The following WWOX variants were observed in gnomAD, a reference collection of about 807,000 sequenced individuals.
The protein encoded by WWOX is WW domain-containing oxidoreductase.
WWOX carries 69 observed loss-of-function variants against 46.2 expected under a neutral mutation model. That is an observed-to-expected ratio of 1.49 (90% CI 1.23 to 1.82). The LOEUF (loss-of-function observed/expected upper bound fraction) is 1.82. Ranked by LOEUF, WWOX falls within the 40% of genes most tolerant of loss-of-function variation. WWOX has a pLI of 0.00. For synonymous variants in WWOX, 359 were observed against 202.6 expected (o/e 1.77, Z -6.56); for missense variants, 919 against 542.6 (o/e 1.69, Z -6.89).
At chr16:79,144,674 T>A (rs2050151929) in intron 8 of WWOX, among the ~76,000 whole-genome samples, 1 of 152,212 alleles carries the variant, frequency 6.6e-6, no homozygotes, top group Non-Finnish European at 1.5e-5. Context: ...TTCATATCTC[T>A]CTTAGATTCT....
chr16:79,137,801 C>T (rs562419582), intron 8 of WWOX, among the ~76,000 whole-genome samples: 2 of 152,204 alleles, frequency 1.3e-5, no homozygotes, highest in Non-Finnish European at 2.9e-5. Context: ...TCCTTAATGA[C>T]TTCCAGGTGT....
intron 5 of WWOX, among the ~76,000 whole-genome samples, chr16:78,242,626 T>G (rs910693772): frequency 5.3e-5 from 8 of 152,188 alleles, no homozygotes; most frequent in Non-Finnish European, 1.0e-4. Context: ...GGTGACCTCC[T>G]GAGTCCCCTG....
intron 8 of WWOX, among the ~76,000 whole-genome samples, chr16:79,008,618 C>G (rs2047238226): frequency 6.6e-6 from 1 of 152,178 alleles, no homozygotes; most frequent in Non-Finnish European, 1.5e-5. Context: ...ATGCACCATG[C>G]CAAAGGCCAT....
chr16:79,134,173 A>T (rs2049937960), intron 8 of WWOX, among the ~76,000 whole-genome samples: 1 of 151,254 alleles, frequency 6.6e-6, no homozygotes, highest in Non-Finnish European at 1.5e-5. Flanking sequence ...TTATCTTATG[A>T]TTTTTTTTTC....
intron 8 of WWOX, among the ~76,000 whole-genome samples, chr16:78,621,464 G>T (rs543365689): frequency 1.3e-5 from 2 of 151,530 alleles, no homozygotes; most frequent in African/African-American, 4.8e-5. Context: ...TCTTCTTCCA[G>T]TTGCATCTCT....
At chr16:79,210,501 C>T (rs1411957497) in intron 8 of WWOX, among the ~76,000 whole-genome samples, 4 of 152,146 alleles carry the variant, frequency 2.6e-5, no homozygotes, top group African/African-American at 7.2e-5. Flanking sequence ...ATCAAAGTTC[C>T]TTAGTGTTTT....
chr16:79,132,373 A>G (rs1473605016), intron 8 of WWOX, among the ~76,000 whole-genome samples: 1 of 152,194 alleles, frequency 6.6e-6, no homozygotes, highest in South Asian at 2.1e-4. Flanking sequence ...TTGCTCAAGA[A>G]TAGTTTTCTC....
intron 8 of WWOX, among the ~76,000 whole-genome samples, chr16:78,683,539 C>CA (rs71384376): frequency 0.3 from 44,346 of 145,548 alleles, 8,219 homozygotes; most frequent in Admixed American, 0.49. Flanking sequence ...GACTCTATCT[C>CA]AAAAAAAAAT....
chr16:79,206,363 C>G (rs1264306994), intron 8 of WWOX: 2 of 152,210 alleles, frequency 1.3e-5, no homozygotes, highest in Non-Finnish European at 2.9e-5. Flanking sequence ...TACCAACGGA[C>G]ACGGAGTCTG....
At chr16:78,242,623 T>G (rs953782827) in intron 5 of WWOX, among the ~76,000 whole-genome samples, 1 of 152,170 alleles carries the variant, frequency 6.6e-6, no homozygotes, top group African/African-American at 2.4e-5. Flanking sequence ...CAGGGTGACC[T>G]CCTGAGTCCC....
intron 8 of WWOX, among the ~76,000 whole-genome samples, chr16:78,600,572 G>C (rs186913636): frequency 6.6e-6 from 1 of 152,104 alleles, no homozygotes; most frequent in South Asian, 2.1e-4. Flanking sequence ...TCATTTTGTG[G>C]GGCTATAGTC....
chr16:78,579,948 G>A (rs2045006897), intron 8 of WWOX, among the ~76,000 whole-genome samples: 1 of 152,180 alleles, frequency 6.6e-6, no homozygotes. Context: ...AAATGCAGGT[G>A]GCTGTGAGGG....
At chr16:78,967,970 G>A (rs2046393630) in intron 8 of WWOX, among the ~76,000 whole-genome samples, 3 of 152,152 alleles carry the variant, frequency 2.0e-5, no homozygotes, top group African/African-American at 4.8e-5. Context: ...TTCTCATTTA[G>A]CCCATACCCC....
At position 79,034,701 on chromosome 16, in the gene WWOX, A is replaced by T. The variant is rs547679505; in HGVS notation, c.1057-176907A>T. On this transcript the variant is annotated intron_variant, in intron 8 of 8. Coordinates refer to ENST00000566780, the MANE Select transcript of WWOX (RefSeq NM_016373.4). ...TTCTTTTTTTTTTTCAAAGCACTTAATTATTTAAAAACAAAAATACTTCTC... is the reference window on the plus strand; with the variant it reads ...TTCTTTTTTTTTTTCAAAGCACTTATTTATTTAAAAACAAAAATACTTCTC... Among the ~76,000 whole-genome samples, 9 of 151,758 alleles carry T rather than the reference A, an allele frequency of 5.9e-5. No homozygotes were observed. The East Asian group carries it at 9.6e-4, about 16-fold the overall frequency.
intron 8 of WWOX, among the ~76,000 whole-genome samples, chr16:79,177,817 A>C (rs9924917): frequency 0.53 from 80,503 of 151,916 alleles, 22,028 homozygotes; most frequent in East Asian, 0.91. Flanking sequence ...CAAAAGTACT[A>C]AATGTTACCA....
chr16:79,207,960 T>G (rs1298002771), intron 8 of WWOX, among the ~76,000 whole-genome samples: 5 of 152,196 alleles, frequency 3.3e-5, no homozygotes, highest in Non-Finnish European at 7.3e-5. Flanking sequence ...ACACCGAGTT[T>G]TGGAAGGATG....
intron 8 of WWOX, among the ~76,000 whole-genome samples, chr16:78,798,584 T>C (rs1324969792): frequency 5.2e-5 from 5 of 95,652 alleles, no homozygotes; most frequent in East Asian, 4.8e-4. Context: ...AAGGTAGTTG[T>C]TGTTGGGTTT....
At chr16:78,494,091 G>C (rs1430758672) in intron 8 of WWOX, among the ~76,000 whole-genome samples, 1 of 152,024 alleles carries the variant, frequency 6.6e-6, no homozygotes, top group Non-Finnish European at 1.5e-5. Context: ...AGTTATGGCA[G>C]AAGGTGAAGG....
At chr16:78,416,137 T>G (rs1361841060) in intron 6 of WWOX, among the ~76,000 whole-genome samples, 1 of 152,258 alleles carries the variant, frequency 6.6e-6, no homozygotes, top group African/African-American at 2.4e-5. Context: ...CTTAAAATGC[T>G]GACTAGTAAC....
Sources: gnomAD v4.1 joint callset for allele counts (sites outside exome capture counted in the v4.1 genomes callset) on GRCh38, gnomAD v4.1.1 for gene constraint, MANE v1.5 for transcripts, NCBI Gene and HGNC (gene_info 2026-07-23, HGNC 2026-07-21) for gene names.